The following PER3 variants were observed in gnomAD, a reference collection of about 807,000 sequenced individuals.
PER3 encodes period circadian regulator 3.
In PER3, 107 loss-of-function variants were observed where a neutral mutation model predicts 127.2. That is an observed-to-expected ratio of 0.84 (90% CI 0.72 to 0.99). PER3 has a LOEUF of 0.99. Ranked by LOEUF, PER3 falls within the 50% of genes least tolerant of loss-of-function variation. PER3 has a pLI of 0.00. For synonymous variants in PER3, 618 were observed against 585.8 expected (o/e 1.05, Z -0.79); for missense variants, 1,560 against 1,525.8 (o/e 1.02, Z -0.37).
intron 10 of PER3, among the ~76,000 whole-genome samples, chr1:7,804,664 T>A (rs896031731): frequency 3.3e-5 from 5 of 149,860 alleles, no homozygotes; most frequent in African/African-American, 7.4e-5. Flanking sequence ...CCTCCCAGAG[T>A]GCTGGAATTT....
At chr1:7,788,780 T>C (rs575290844) in intron 5 of PER3, among the ~76,000 whole-genome samples, 25 of 152,190 alleles carry the variant, frequency 1.6e-4, no homozygotes, top group African/African-American at 5.1e-4. Flanking sequence ...AGTGCATGCC[T>C]GTAATCCCAG....
In PER3 at chr1:7,788,081, A is replaced by G. The variant is rs779990925; in HGVS notation, c.427A>G (p.Arg143Gly). 2.5e-6 allele frequency: 4 copies of G among 1,613,660 alleles called. 1 individual carries two copies. In the South Asian group the frequency reaches 4.4e-5, roughly 18 times the overall value. ...FVAVFSFLSG[R>G]LVHISEQAAL... ...GGCAGTATTTTCATTTCTGTCTGGA[A>G]GGTTAGTGCACATTTCTGAACAGGC... Residue 143 changes from arginine (R) to glycine (G), a missense_variant, in exon 5 of 22, where the codon AGG (arginine) becomes GGG (glycine). Physicochemically the swap from Arg to Gly is moderately radical, Grantham distance 125. Around this residue, in one of 3 missense-constraint regions of PER3, gnomAD observed 1,332 missense variants for 1,223.6 expected, o/e 1.09. Transcript: ENST00000377532.
rs138639942 is a variant in PER3 at position 7,819,317 on chromosome 1, A to G, written c.1555A>G (p.Thr519Ala). 1.3e-4 allele frequency: 216 copies of G among 1,613,860 alleles called. 3 individuals carry two copies. In the East Asian group the frequency reaches 3.7e-3, roughly 28 times the overall value. The change falls in exon 14 of 22, where the codon ACA (threonine) becomes GCA (alanine). Residue 519 changes from threonine (T) to alanine (A), a missense_variant. Transcript: ENST00000377532. ...TAAGACCTTTACTTCCTTCCACCAA[A>G]CACTGAAAAACAATAGTGTGTACAC... ...ECKTFTSFHQ[T>A]LKNNSVYTEP... is the part of the protein sequence containing the mutation.
Position 7,826,048 on chromosome 1 carries a change from G to A in PER3, c.1958-432G>A, listed in dbSNP as rs1226015185. ...CGGCGCCACTTCACTCCAGCGGAAT[G>A]GTCTTCTGCAGGGGAAACAAATGAG... On this transcript the variant is annotated intron_variant, in intron 16 of 21. Transcript: ENST00000377532. The surrounding 1 kb of genome is among the most constrained non-coding windows in gnomAD (Gnocchi z 4.2). 6.6e-6 allele frequency among the ~76,000 whole-genome samples: 1 copy of A among 152,152 alleles called. No homozygotes were observed.
chr1:7,826,729 A>G lies in PER3; in HGVS notation c.2188+19A>G, dbSNP rs1243603655. On this transcript the variant is annotated intron_variant, in intron 17 of 21. Coordinates refer to ENST00000377532, the MANE Select transcript of PER3 (RefSeq NM_001377275.1). This position sits in a 1 kb window ranked among gnomAD's most constrained non-coding sequence, Gnocchi z 4.2. Reference sequence around the variant, plus strand: ...TTTCAAGGTACGTAATTTTTTAAAAATAAATGCCATTAATCTATGTAAATG... The same window carrying G: ...TTTCAAGGTACGTAATTTTTTAAAAGTAAATGCCATTAATCTATGTAAATG... The G allele has an allele frequency of 1.2e-5, 17 of 1,374,670 alleles. No individual in the cohort carries two copies. The highest frequency in any genetic ancestry group is 1.8e-5 in the Non-Finnish European group (17 of 963,632). The allele number at this position is 1,374,670 out of a possible 1,614,324, so 85.2% of individuals were successfully genotyped here.
intron 20 of PER3, 58 bp from the exon 21 acceptor site, chr1:7,836,941 G>A (rs2151281949): frequency 3.6e-6 from 5 of 1,407,230 alleles, no homozygotes; most frequent in Admixed American, 2.0e-5. Flanking sequence ...CCTAGATGAC[G>A]GGAAAAGAAC....
chr1:7,812,079 T>A (rs1229117790), intron 13 of PER3, among the ~76,000 whole-genome samples: 4 of 152,138 alleles, frequency 2.6e-5, no homozygotes, highest in Non-Finnish European at 5.9e-5. Flanking sequence ...AGCTAAAGTG[T>A]CTAAATGTTT....
intron 16 of PER3, among the ~76,000 whole-genome samples, chr1:7,822,472 C>T (rs1045296925): frequency 1.5e-4 from 23 of 152,014 alleles, no homozygotes; most frequent in African/African-American, 4.1e-4. Context: ...AGGCTGGTCT[C>T]GAACTCCGGA....
intron 19 of PER3, among the ~76,000 whole-genome samples, chr1:7,830,426 A>C (rs2097326042): frequency 6.6e-6 from 1 of 152,142 alleles, no homozygotes; most frequent in Non-Finnish European, 1.5e-5. Flanking sequence ...CTGTCACCCC[A>C]AACAGTTCTG....
chr1:7,785,029 G>A, intron 2 of PER3, 24 bp downstream of exon 2: 6 of 1,564,150 alleles, frequency 3.8e-6, no homozygotes, highest in South Asian at 1.2e-5. Context: ...TTCAGGCCGA[G>A]GGCCCCATGC....
At position 7,829,380 on chromosome 1, in the gene PER3, GT is replaced by G. The variant is rs571559066; in HGVS notation, c.2887-449del. On this transcript the variant is annotated intron_variant, in intron 18 of 21. Coordinates refer to ENST00000377532, the MANE Select transcript of PER3 (RefSeq NM_001377275.1). ...AAATTGTAGCACTCTCAGCATATGGGTTTTTCCTTTCCTTCTTGAGAACTTC... is the reference window on the plus strand; with the variant it reads ...AAATTGTAGCACTCTCAGCATATGGGTTTTCCTTTCCTTCTTGAGAACTTC... Among the ~76,000 whole-genome samples, 11 of 152,246 alleles carry G rather than the reference GT, an allele frequency of 7.2e-5. No homozygotes were observed. The East Asian group carries it at 2.1e-3, about 29-fold the overall frequency.
intron 10 of PER3, among the ~76,000 whole-genome samples, chr1:7,804,279 A>G (rs1046970983): frequency 1.3e-5 from 2 of 151,300 alleles, no homozygotes; most frequent in Non-Finnish European, 2.9e-5. Context: ...GGTTAAGTGT[A>G]GGTACTAGGA....
Position 7,784,790 on chromosome 1 carries a change from A to C in PER3, c.-88A>C. The C allele has an allele frequency of 2.3e-6, 3 of 1,303,166 alleles. No individual in the cohort carries two copies. The highest frequency in any genetic ancestry group is 2.0e-6 in the Non-Finnish European group (2 of 1,010,618). The allele number at this position is 1,303,166 out of a possible 1,614,324, so 80.7% of individuals were successfully genotyped here. ...CGCCATGGCGGGGACCGGAGTGAGA[A>C]ACCGGTGTCTGTCACTGACTGCAAA... On this transcript the variant is annotated 5_prime_UTR_variant, in exon 2 of 22. Coordinates refer to ENST00000377532, the MANE Select transcript of PER3 (RefSeq NM_001377275.1).
At chr1:7,838,392 A>C (rs916100351) in intron 21 of PER3, among the ~76,000 whole-genome samples, 14 of 151,852 alleles carry the variant, frequency 9.2e-5, no homozygotes, top group African/African-American at 3.4e-4. Flanking sequence ...ACCCTTTGCA[A>C]CCACTGGTCT....
At chr1:7,801,066 T>C (rs1249627873) in intron 7 of PER3, 47 bp from the exon 8 acceptor site, 2 of 1,066,592 alleles carry the variant, frequency 1.9e-6, no homozygotes, top group African/African-American at 3.2e-5. Context: ...GGTGGATAAT[T>C]AATTAGATAT....
chr1:7,800,827 C>CA (rs35065134), intron 7 of PER3, among the ~76,000 whole-genome samples: 59,926 of 100,248 alleles, frequency 0.6, 13,808 homozygotes, highest in East Asian at 0.81. Context: ...ACTCTGTCTC[C>CA]AAAAAAAAAA....
chr1:7,824,162 G>T (rs190163227), intron 16 of PER3, among the ~76,000 whole-genome samples: 1 of 152,296 alleles, frequency 6.6e-6, no homozygotes, highest in East Asian at 1.9e-4. Context: ...CTTTAAAAAT[G>T]CCGTTAGAGA....
intron 7 of PER3, among the ~76,000 whole-genome samples, chr1:7,799,482 T>C (rs1168692709): frequency 6.6e-6 from 1 of 151,922 alleles, no homozygotes; most frequent in Non-Finnish European, 1.5e-5. Context: ...CGTGTGCCTG[T>C]AATCCCAGCT....
chr1:7,784,497 TC>T (rs2097074741), intron 1 of PER3, 121 bp downstream of exon 1: 1 of 160,346 alleles, frequency 6.2e-6, no homozygotes, highest in African/African-American at 2.4e-5. Flanking sequence ...GCGTGGCGCT[TC>T]CGAGCCACCC....
Sources: gnomAD v4.1 joint callset for allele counts (sites outside exome capture counted in the v4.1 genomes callset) on GRCh38, gnomAD v4.1.1 for gene constraint, gnomAD v4.1.1 regional missense constraint, Gnocchi (gnomAD v3.1) non-coding constraint, MANE v1.5 for transcripts, NCBI Gene and HGNC (gene_info 2026-07-23, HGNC 2026-07-21) for gene names.